The following NRXN1 variants were observed in gnomAD, a reference collection of about 807,000 sequenced individuals.
The protein encoded by NRXN1 is neurexin-1.
A neutral mutation model predicts 150.9 loss-of-function variants in NRXN1; 39 were observed. The ratio of observed to expected loss-of-function variants is 0.26; its 90% CI spans 0.20 to 0.34. NRXN1 has a LOEUF of 0.34. Ranked by LOEUF, NRXN1 falls within the 10% of genes least tolerant of loss-of-function variation. The pLI is 1.00. For synonymous variants in NRXN1, 924 were observed against 757.0 expected, an observed-to-expected ratio of 1.22 and a Z score of -3.62; for missense variants, 1,815 against 1,949.9, an observed-to-expected ratio of 0.93 and a Z score of 1.30.
intron 5 of NRXN1, among the ~76,000 whole-genome samples, chr2:50,853,268 A>T (rs927312078): frequency 2.0e-5 from 3 of 152,130 alleles, no homozygotes; most frequent in Non-Finnish European, 4.4e-5. Context: ...GTAGGATACC[A>T]GTGAGGATTT....
chr2:50,444,790 C>A (rs2086259483), intron 17 of NRXN1, among the ~76,000 whole-genome samples: 1 of 151,886 alleles, frequency 6.6e-6, no homozygotes. Flanking sequence ...TGTACTGGAG[C>A]CTGAGGCAAA....
intron 18 of NRXN1, among the ~76,000 whole-genome samples, chr2:50,092,156 G>A (rs1057230665): frequency 5.3e-5 from 8 of 152,132 alleles, no homozygotes; most frequent in African/African-American, 1.9e-4. Flanking sequence ...CTTATTCTTA[G>A]ATTATATCTA....
intron 18 of NRXN1, among the ~76,000 whole-genome samples, chr2:50,141,116 G>A (rs572355490): frequency 7.9e-5 from 12 of 151,998 alleles, no homozygotes; most frequent in South Asian, 6.2e-4. Flanking sequence ...CAAGTAAGAC[G>A]TACACTCTAT....
At chr2:50,301,328 T>G (rs997999853) in intron 17 of NRXN1, among the ~76,000 whole-genome samples, 2 of 152,184 alleles carry the variant, frequency 1.3e-5, no homozygotes, top group African/African-American at 4.8e-5. Context: ...TATTTGTGTC[T>G]ACAGACACAG....
intron 21 of NRXN1, among the ~76,000 whole-genome samples, chr2:49,952,927 T>C (rs767637763): frequency 7.2e-5 from 11 of 152,168 alleles, no homozygotes; most frequent in Admixed American, 3.9e-4. Context: ...GCCATATTGG[T>C]AGTTTCTCCA....
chr2:50,497,209 T>A, intron 14 of NRXN1, 124 bp downstream of exon 14: 1 of 597,576 alleles, frequency 1.7e-6, no homozygotes, highest in Non-Finnish European at 2.6e-6. Flanking sequence ...TTCTTATTTG[T>A]CCTCCACCTG....
Position 50,497,632 on chromosome 2 carries a change from A to T in NRXN1, c.2580T>A (p.Ser860=). The T allele has an allele frequency of 6.2e-7, 1 of 1,613,946 alleles. No homozygotes were observed. Among genetic ancestry groups the T allele is most frequent in the Non-Finnish European group, 8.5e-7 (1 of 1,179,840 alleles). Reference sequence around the variant, plus strand: ...GGTGTCCAATGAAGTTGGAGGGGACAGAAGAAAGATACCGTCGTTCTGTGA... The same window carrying T: ...GGTGTCCAATGAAGTTGGAGGGGACTGAAGAAAGATACCGTCGTTCTGTGA... The part of the protein sequence containing the change: ...GIITERRYLS[S]VPSNFIGHLQ... The change falls in exon 14 of 23, where the codon TCT becomes TCA. Residue 860 remains serine (S), a synonymous_variant. Coordinates refer to ENST00000401669, the MANE Select transcript of NRXN1 (RefSeq NM_001330078.2).
At chr2:49,961,948 A>G (rs1676033835) in intron 21 of NRXN1, among the ~76,000 whole-genome samples, 1 of 152,144 alleles carries the variant, frequency 6.6e-6, no homozygotes, top group Non-Finnish European at 1.5e-5. Context: ...AATTCTTGAA[A>G]TATATGGTGT....
At chr2:50,575,495 G>A (rs926814722) in intron 8 of NRXN1, among the ~76,000 whole-genome samples, 2 of 152,120 alleles carry the variant, frequency 1.3e-5, no homozygotes, top group African/African-American at 4.8e-5. Context: ...CCCGCATACC[G>A]TTTAATGACA....
chr2:50,700,014 T>C (rs928208555), intron 5 of NRXN1, among the ~76,000 whole-genome samples: 1 of 152,156 alleles, frequency 6.6e-6, no homozygotes, highest in African/African-American at 2.4e-5. Flanking sequence ...AGTAGGTATG[T>C]TTGCATAATT....
At chr2:50,761,689 T>C (rs1701821557) in intron 5 of NRXN1, among the ~76,000 whole-genome samples, 1 of 151,854 alleles carries the variant, frequency 6.6e-6, no homozygotes, top group Non-Finnish European at 1.5e-5. Context: ...GTGAGGATGT[T>C]GCCAAAAGAG....
intron 18 of NRXN1, among the ~76,000 whole-genome samples, chr2:50,231,777 T>G (rs879005828): frequency 6.6e-6 from 1 of 152,108 alleles, no homozygotes; most frequent in Admixed American, 6.6e-5. Context: ...AGGCATTAAG[T>G]AATTTCCAAA....
intron 10 of NRXN1, among the ~76,000 whole-genome samples, chr2:50,532,245 C>T (rs1048368811): frequency 2.0e-5 from 3 of 151,934 alleles, no homozygotes; most frequent in Admixed American, 2.0e-4. Context: ...GAGGGTACTG[C>T]CAGAAGGTTT....
intron 5 of NRXN1, among the ~76,000 whole-genome samples, chr2:50,723,195 A>C (rs961110432): frequency 1.3e-5 from 2 of 152,194 alleles, no homozygotes; most frequent in Non-Finnish European, 2.9e-5. Flanking sequence ...CTATAATTGC[A>C]CAGGCCCCAG....
chr2:50,781,621 G>T (rs868858067), intron 5 of NRXN1, among the ~76,000 whole-genome samples: 1 of 152,200 alleles, frequency 6.6e-6, no homozygotes, highest in Non-Finnish European at 1.5e-5. Flanking sequence ...TGGTCAAGCT[G>T]ATTTCTAAAA....
Position 50,346,870 on chromosome 2 carries a change from GCGCCGCCGCCGCCGCCGC to G in NRXN1, c.3365-109918_3365-109901del, listed in dbSNP as rs750165040. On this transcript the variant is annotated intron_variant, in intron 17 of 22. Transcript: ENST00000401669. This position sits in a 1 kb window ranked among gnomAD's most constrained non-coding sequence, Gnocchi z 5.0. ...CCAAAGCAGGGCCAGGCGCCCCCCTGCGCCGCCGCCGCCGCCGCCGCCGCCGCCGCCCCCGGGCGAGCC... is the reference window on the plus strand; with the variant it reads ...CCAAAGCAGGGCCAGGCGCCCCCCTGCGCCGCCGCCGCCCCCGGGCGAGCC... The G allele has an allele frequency of 1.5e-6, 2 of 1,366,778 alleles. No homozygotes were observed. Among genetic ancestry groups the G allele is most frequent in the South Asian group, 2.0e-5 (1 of 49,434 alleles). The allele number at this position is 1,366,778 out of a possible 1,614,324, so 84.7% of individuals were successfully genotyped here.
intron 5 of NRXN1, among the ~76,000 whole-genome samples, chr2:50,849,829 C>T (rs1674242141): frequency 6.6e-6 from 1 of 152,162 alleles, no homozygotes; most frequent in Admixed American, 6.5e-5. Context: ...TAGTCCCTCT[C>T]TTCCCCTGTT....
intron 5 of NRXN1, among the ~76,000 whole-genome samples, chr2:50,814,299 C>T (rs536412783): frequency 6.6e-6 from 1 of 152,118 alleles, no homozygotes; most frequent in Non-Finnish European, 1.5e-5. Context: ...ACCTGCCTTT[C>T]TTCTCAATTT....
chr2:49,943,827 G>C, intron 21 of NRXN1, 36 bp from the exon 22 acceptor site: 1 of 1,438,626 alleles, frequency 7.0e-7, no homozygotes, highest in East Asian at 2.3e-5. Context: ...TTAATTTAAA[G>C]GGTCCTAACA....
Sources: gnomAD v4.1 joint callset for allele counts (sites outside exome capture counted in the v4.1 genomes callset) on GRCh38, gnomAD v4.1.1 for gene constraint, Gnocchi (gnomAD v3.1) non-coding constraint, MANE v1.5 for transcripts, NCBI Gene and HGNC (gene_info 2026-07-23, HGNC 2026-07-21) for gene names.